THSD7A: variants seen among roughly 807,000 people sequenced by gnomAD.
The protein encoded by THSD7A is thrombospondin type-1 domain-containing protein 7A.
In THSD7A, 96 loss-of-function variants were observed where a neutral mutation model predicts 231.3. The ratio of observed to expected loss-of-function variants is 0.41; its 90% confidence interval spans 0.35 to 0.49. The LOEUF is 0.49. THSD7A is among the 20% of genes least tolerant of loss of function. The pLI is 0.05. For synonymous variants in THSD7A, 940 were observed against 743.3 expected (o/e 1.26, Z -4.30); for missense variants, 2,290 against 2,070.2 (o/e 1.11, Z -2.06).
intron 1 of THSD7A, among the ~76,000 whole-genome samples, chr7:11,777,324 C>G (rs1282989798): frequency 6.6e-6 from 1 of 151,700 alleles, no homozygotes; most frequent in Non-Finnish European, 1.5e-5. Flanking sequence ...ACAGAAAATG[C>G]TAGAGCCAAC....
intron 23 of THSD7A, among the ~76,000 whole-genome samples, chr7:11,386,104 C>T (rs565231985): frequency 4.2e-4 from 64 of 152,150 alleles, no homozygotes; most frequent in Admixed American, 7.9e-4. Context: ...ATTTTCTTTA[C>T]CTAGTCTATC....
chr7:11,527,050 TG>T (rs1185356912), intron 6 of THSD7A, among the ~76,000 whole-genome samples: 1 of 152,160 alleles, frequency 6.6e-6, no homozygotes, highest in African/African-American at 2.4e-5. Context: ...AATGTTTAAA[TG>T]TTGTTTCTAA....
At chr7:11,740,630 G>C (rs1050751655) in intron 1 of THSD7A, among the ~76,000 whole-genome samples, 1 of 151,820 alleles carries the variant, frequency 6.6e-6, no homozygotes, top group South Asian at 2.1e-4. Flanking sequence ...CCTCCCTTGG[G>C]TCATTCTGGT....
chr7:11,583,886 A>G (rs1791277721), intron 4 of THSD7A, among the ~76,000 whole-genome samples: 1 of 152,194 alleles, frequency 6.6e-6, no homozygotes, highest in South Asian at 2.1e-4. Context: ...AACCAATATG[A>G]ATACAGACCC....
chr7:11,627,143 T>C (rs1781497818), intron 2 of THSD7A, among the ~76,000 whole-genome samples: 3 of 152,128 alleles, frequency 2.0e-5, no homozygotes, highest in South Asian at 4.1e-4. Context: ...TAACGTTGCA[T>C]CTTTCTTAGA....
At chr7:11,506,775 C>T (rs1026589758) in intron 6 of THSD7A, among the ~76,000 whole-genome samples, 1 of 152,178 alleles carries the variant, frequency 6.6e-6, no homozygotes, top group Non-Finnish European at 1.5e-5. Context: ...TCTGGGAATT[C>T]TGATGTTCAG....
At chr7:11,554,377 G>A (rs978581001) in intron 4 of THSD7A, among the ~76,000 whole-genome samples, 1 of 152,040 alleles carries the variant, frequency 6.6e-6, no homozygotes, top group African/African-American at 2.4e-5. Flanking sequence ...ATTGCCAGTA[G>A]ACCATTTGTT....
At chr7:11,462,171 G>A in intron 9 of THSD7A, 28 bp from the exon 10 acceptor site, 1 of 1,611,944 alleles carries the variant, frequency 6.2e-7, no homozygotes. Flanking sequence ...TTTAACCTCT[G>A]TACTTTACAC....
In THSD7A at chr7:11,723,917, T is replaced by G. The variant is rs533041348; in HGVS notation, c.191-86956A>C. On this transcript the variant is annotated intron_variant, in intron 1 of 27. Transcript: ENST00000423059. The stretch of plus-strand genomic sequence containing the variant: ...ATGTTGGATCTTACTCTGAATGAAG[T>G]GGGAAGCTACTGGATGGTTTCATGC... 2.0e-5 allele frequency among the ~76,000 whole-genome samples: 3 copies of G among 151,984 alleles called. No homozygotes were observed. The East Asian group carries it at 5.9e-4, about 30-fold the overall frequency.
chr7:11,796,124 C>G (rs962128639), intron 1 of THSD7A, among the ~76,000 whole-genome samples: 2 of 145,588 alleles, frequency 1.4e-5, no homozygotes, highest in Non-Finnish European at 3.0e-5. Flanking sequence ...GATGTAGACA[C>G]TTAGGAAGCA....
At chr7:11,712,571 G>A (rs1165545193) in intron 1 of THSD7A, among the ~76,000 whole-genome samples, 2 of 150,980 alleles carry the variant, frequency 1.3e-5, no homozygotes, top group Non-Finnish European at 3.0e-5. Context: ...AATAATATCA[G>A]TAATAAGTTT....
rs111909338 is a variant in THSD7A, at chr7:11,819,060, G to T, written c.190+12697C>A. Among the ~76,000 whole-genome samples, 263 of 152,214 alleles carry T rather than the reference G, an allele frequency of 1.7e-3. 1 individual carries two copies. The highest frequency in any genetic ancestry group is 6.0e-3 in the African/African-American group (251 of 41,558). The stretch of plus-strand genomic sequence containing the variant: ...GCAGATCTATCACCAAAGAATATCT[G>T]CAGATGACAAGCAAATGAAAAGATG... On this transcript the variant is annotated intron_variant, in intron 1 of 27. Transcript: ENST00000423059.
chr7:11,705,097 A>G lies in THSD7A; in HGVS notation c.191-68136T>C, dbSNP rs568337895. Among the ~76,000 whole-genome samples, 187 of 151,198 alleles carry G rather than the reference A, an allele frequency of 1.2e-3. 1 individual carries two copies. The highest frequency in any genetic ancestry group is 4.4e-3 in the African/African-American group (182 of 41,424). ...TTACTTATATAGAGAGAGGAAGAATAAAAGTGCTGTTGGATTATGGCATAT... is the reference window on the plus strand; with the variant it reads ...TTACTTATATAGAGAGAGGAAGAATGAAAGTGCTGTTGGATTATGGCATAT... On this transcript the variant is annotated intron_variant, in intron 1 of 27. Coordinates refer to ENST00000423059, the MANE Select transcript of THSD7A (RefSeq NM_015204.3).
At chr7:11,470,311 T>C (rs981290899) in intron 8 of THSD7A, among the ~76,000 whole-genome samples, 2 of 152,080 alleles carry the variant, frequency 1.3e-5, no homozygotes, top group Non-Finnish European at 2.9e-5. Flanking sequence ...TATTCTAATA[T>C]GTTTTAAGAA....
rs1370124031 is a variant in THSD7A at position 11,469,907 on chromosome 7, C to G, written c.2340G>C (p.Trp780Cys). The change falls in exon 9 of 28, where the codon TGG (tryptophan) becomes TGC (cysteine). Residue 780 changes from tryptophan (W) to cysteine (C), a missense_variant. By Grantham distance (215) the Trp-to-Cys change is radical (BLOSUM62 -2). Transcript: ENST00000423059. ...CTTTACACGAAGAGGGGCATGATGT[C>G]CAGTCACTATATGGGGTCACAATAC... is the stretch of plus-strand genomic sequence containing the variant. ...KDCIVTPYSD[W>C]TSCPSSCKEG... 1 of 1,601,124 alleles carries G rather than the reference C, an allele frequency of 6.2e-7. No individual in the cohort carries two copies. The highest frequency in any genetic ancestry group is 8.5e-7 in the Non-Finnish European group (1 of 1,173,006).
chr7:11,635,125 G>T (rs1007119748), intron 2 of THSD7A, among the ~76,000 whole-genome samples: 6 of 152,170 alleles, frequency 3.9e-5, no homozygotes, highest in African/African-American at 7.2e-5. Context: ...CACCAGAAGC[G>T]CAGAGGTCGA....
At chr7:11,742,252 G>T (rs1021916223) in intron 1 of THSD7A, among the ~76,000 whole-genome samples, 4 of 152,030 alleles carry the variant, frequency 2.6e-5, no homozygotes, top group Middle Eastern at 3.4e-3. Context: ...GTCTTTGATT[G>T]TGACAATTAG....
Position 11,613,802 on chromosome 7 carries a change from T to G in THSD7A, c.1023-20300A>C, listed in dbSNP as rs540509367. ...CTTTTGTCCTAGAAGGGGTAGTAGTTTGATCTCCCCTGAATTAACAATTAT... is the reference window on the plus strand; with the variant it reads ...CTTTTGTCCTAGAAGGGGTAGTAGTGTGATCTCCCCTGAATTAACAATTAT... On this transcript the variant is annotated intron_variant, in intron 2 of 27. Transcript: ENST00000423059. Among the ~76,000 whole-genome samples the G allele has an allele frequency of 3.9e-5, 6 of 152,318 alleles. No individual in the cohort carries two copies. In the South Asian group the frequency reaches 1.0e-3, roughly 26 times the overall value.
At chr7:11,481,626 G>C (rs1418167029) in intron 7 of THSD7A, among the ~76,000 whole-genome samples, 162 bp downstream of exon 7, 1 of 152,114 alleles carries the variant, frequency 6.6e-6, no homozygotes, top group Non-Finnish European at 1.5e-5. Context: ...AATTTTGGGG[G>C]ACAGAATCAA....
Sources: allele counts gnomAD v4.1 joint callset (sites outside exome capture counted in the v4.1 genomes callset), GRCh38; gene constraint gnomAD v4.1.1; transcripts MANE v1.5; gene names NCBI Gene and HGNC (gene_info 2026-07-23, HGNC 2026-07-21).